Variants in CELA2B observed in about 807,000 individuals in gnomAD.
CELA2B encodes the protein chymotrypsin-like elastase family member 2B.
In CELA2B, 27 loss-of-function variants were observed where a neutral mutation model predicts 36.5. The observed-to-expected ratio is 0.74, with a 90% confidence interval of 0.55 to 1.02. The LOEUF (loss-of-function observed/expected upper bound fraction) is 1.02, where lower values mean the gene tolerates loss of function less well. Among genes scored for constraint, CELA2B ranks in the 50% least tolerant of loss-of-function variants. The pLI, the probability that CELA2B is intolerant of heterozygous loss-of-function variation, is 0.00. For synonymous variants in CELA2B, 143 were observed against 148.5 expected, an observed-to-expected ratio of 0.96 and a Z score of 0.27; for missense variants, 340 against 347.8, an observed-to-expected ratio of 0.98 and a Z score of 0.18.
chr1:15,481,000 C>T, intron 2 of CELA2B, 98 bp from the exon 3 acceptor site: 1 of 1,354,172 alleles, frequency 7.4e-7, no homozygotes, highest in Non-Finnish European at 1.0e-6. Flanking sequence ...GAGTGCCTCA[C>T]TCCCCCTTAC....
In CELA2B at chr1:15,481,136, C is replaced by T; in HGVS notation, c.168C>T (p.His56=). The change falls in exon 3 of 8, where the codon CAC becomes CAT. Residue 56 remains histidine (H), a synonymous_variant. Coordinates refer to ENST00000375910, the MANE Select transcript of CELA2B (RefSeq NM_015849.3). ...LQYSSNGQWY[H]TCGGSLIANS... Reference sequence around the variant, plus strand: ...ACAGCTCCAATGGCCAGTGGTACCACACCTGCGGAGGGTCCCTGATAGCCA... The same window carrying T: ...ACAGCTCCAATGGCCAGTGGTACCATACCTGCGGAGGGTCCCTGATAGCCA... The T allele has an allele frequency of 6.2e-7, 1 of 1,613,460 alleles. No individual in the cohort carries two copies. The highest frequency in any genetic ancestry group is 1.3e-5 in the African/African-American group (1 of 75,026).
At chr1:15,490,900 C>A in intron 7 of CELA2B, 1 of 211,794 alleles carries the variant, frequency 4.7e-6, no homozygotes, top group South Asian at 8.6e-5. Context: ...AGATACTGAT[C>A]AACAGCCTCT....
intron 5 of CELA2B, among the ~76,000 whole-genome samples, chr1:15,485,195 G>A (rs891488383): frequency 5.3e-5 from 8 of 152,008 alleles, no homozygotes; most frequent in African/African-American, 1.4e-4. Flanking sequence ...ATGCCTGGCC[G>A]ACGCTTAACT....
chr1:15,487,483 C>T (rs562271975), intron 7 of CELA2B, 46 bp downstream of exon 7: 19 of 1,606,898 alleles, frequency 1.2e-5, no homozygotes, highest in Admixed American at 1.0e-4. Context: ...GACCTGCTCA[C>T]CTGGCCTCGG....
intron 3 of CELA2B, chr1:15,481,830 T>C (rs1412960267): frequency 1.3e-5 from 6 of 462,426 alleles, no homozygotes; most frequent in Admixed American, 2.4e-5. Flanking sequence ...GGGATACTAA[T>C]AGAGGCCTAC....
intron 7 of CELA2B, among the ~76,000 whole-genome samples, chr1:15,490,256 C>A (rs1488080575): frequency 1.5e-5 from 2 of 136,526 alleles, no homozygotes; most frequent in Admixed American, 7.4e-5. Context: ...ATCTATCTAT[C>A]TATATACACA....
intron 7 of CELA2B, among the ~76,000 whole-genome samples, chr1:15,488,155 G>A (rs923631455): frequency 1.3e-5 from 2 of 152,230 alleles, no homozygotes; most frequent in East Asian, 3.8e-4. Context: ...GGGAGGCCAA[G>A]GAAGGAGGAT....
At position 15,486,023 on chromosome 1, in the gene CELA2B, G is replaced by T; in HGVS notation, c.616G>T (p.Asp206Tyr). The change falls in exon 6 of 8, where the codon GAT becomes TAT. Residue 206 changes from aspartate to tyrosine, a missense_variant. Coordinates refer to ENST00000375910, the MANE Select transcript of CELA2B (RefSeq NM_015849.3). Reference protein sequence around the residue: ...VKTNMICAGGDGVICTCNGDS... With the variant: ...VKTNMICAGGYGVICTCNGDS... The stretch of plus-strand genomic sequence containing the variant: ...GACGAATATGATCTGTGCTGGGGGT[G>T]ATGGCGTGATATGCACCTGCAACGT... 6.2e-7 allele frequency: 1 copy of T among 1,612,656 alleles called. No individual in the cohort carries two copies. The highest frequency in any genetic ancestry group is 8.5e-7 in the Non-Finnish European group (1 of 1,179,126).
Position 15,485,954 on chromosome 1 carries a change from T to C in CELA2B, c.547T>C (p.Tyr183His), listed in dbSNP as rs766052437. The change falls in exon 6 of 8, where the codon TAT becomes CAT. Residue 183 changes from tyrosine to histidine, a missense_variant. Physicochemically the swap from Tyr to His is moderately conservative, Grantham distance 83 (BLOSUM62 2). Transcript: ENST00000375910. ...GCAGGGCCAGTTGCTGGTTGTGGAC[T>C]ATGCCACCTGCTCCAGCTCTGGCTG... is the stretch of plus-strand genomic sequence containing the variant. Reference protein sequence around the residue: ...LKQGQLLVVDYATCSSSGWWG... With the variant: ...LKQGQLLVVDHATCSSSGWWG... 1 of 1,614,094 alleles carries C rather than the reference T, an allele frequency of 6.2e-7. No homozygotes were observed. Among genetic ancestry groups the C allele is most frequent in the African/African-American group, 1.3e-5 (1 of 74,924 alleles).
intron 2 of CELA2B, among the ~76,000 whole-genome samples, chr1:15,477,148 T>C (rs1048552563): frequency 4.6e-5 from 7 of 152,340 alleles, no homozygotes; most frequent in African/African-American, 1.4e-4. Flanking sequence ...CTTTCAAATG[T>C]ACCATTATCC....
intron 7 of CELA2B, 87 bp downstream of exon 7, chr1:15,487,524 C>T: frequency 1.3e-6 from 2 of 1,520,140 alleles, no homozygotes; most frequent in South Asian, 1.2e-5. Flanking sequence ...GACTGAGAAC[C>T]CCCTCCTTCC....
At position 15,477,593 on chromosome 1, in the gene CELA2B, C is replaced by A. The variant is rs1021898366; in HGVS notation, c.129+1048C>A. 1.1e-4 allele frequency among the ~76,000 whole-genome samples: 17 copies of A among 152,266 alleles called. 1 individual carries two copies. The highest frequency in any genetic ancestry group is 4.1e-4 in the African/African-American group (17 of 41,552). Reference sequence around the variant, plus strand: ...TAATATCTCATCTACAAGTCCATTTCTTTAAAGCAGAGCAATAACTTTGAG... The same window carrying A: ...TAATATCTCATCTACAAGTCCATTTATTTAAAGCAGAGCAATAACTTTGAG... On this transcript the variant is annotated intron_variant, in intron 2 of 7. Coordinates refer to ENST00000375910, the MANE Select transcript of CELA2B (RefSeq NM_015849.3).
rs770643635 is a variant in CELA2B, at chr1:15,487,270, T to G, written c.640-15T>G. On this transcript the variant is annotated splice_polypyrimidine_tract_variant and intron_variant, in intron 6 of 7. Coordinates refer to ENST00000375910, the MANE Select transcript of CELA2B (RefSeq NM_015849.3). Reference sequence around the variant, plus strand: ...TCCTCCCACTTCAACTCCCTATAACTCTGGCCTTCCTCAGGGAGACTCCGG... The same window carrying G: ...TCCTCCCACTTCAACTCCCTATAACGCTGGCCTTCCTCAGGGAGACTCCGG... The G allele has an allele frequency of 1.7e-5, 28 of 1,613,206 alleles. No individual in the cohort carries two copies. The South Asian group carries it at 2.5e-4, about 15-fold the overall frequency.
chr1:15,484,193 C>T (rs12732044), intron 5 of CELA2B, among the ~76,000 whole-genome samples: 37,826 of 151,928 alleles, frequency 0.25, 5,092 homozygotes, highest in East Asian at 0.54. Context: ...CCCTCCATGC[C>T]CCATAGCAAA....
At chr1:15,483,756 C>T (rs1414822387) in intron 5 of CELA2B, among the ~76,000 whole-genome samples, 8 of 152,028 alleles carry the variant, frequency 5.3e-5, no homozygotes, top group Non-Finnish European at 1.0e-4. Flanking sequence ...GGTGAAACCC[C>T]GTCTGTACTA....
rs550638066 is a variant in CELA2B at position 15,487,492 on chromosome 1, G to A, written c.792+55G>A. On this transcript the variant is annotated intron_variant, in intron 7 of 7. Transcript: ENST00000375910. The stretch of plus-strand genomic sequence containing the variant: ...GGCACTGACCTGCTCACCTGGCCTC[G>A]GGAGTGCCATGCCCACCTGGCGACT... 1,200 of 1,599,798 alleles carry A rather than the reference G, an allele frequency of 7.5e-4. 3 individuals carry two copies. The highest frequency in any genetic ancestry group is 9.3e-4 in the Non-Finnish European group (1,088 of 1,168,906).
chr1:15,489,559 C>G (rs1708848121), intron 7 of CELA2B, among the ~76,000 whole-genome samples: 1 of 152,116 alleles, frequency 6.6e-6, no homozygotes, highest in African/African-American at 2.4e-5. Flanking sequence ...ACCACTAGAG[C>G]CCTGGGGGTG....
intron 7 of CELA2B, among the ~76,000 whole-genome samples, chr1:15,490,072 C>G (rs1168614742): frequency 6.6e-6 from 1 of 152,122 alleles, no homozygotes; most frequent in Non-Finnish European, 1.5e-5. Flanking sequence ...TGGGGTTTCA[C>G]CATGTTGGCC....
rs200278458 is a variant in CELA2B, at chr1:15,487,386, C to T, written c.741C>T (p.Tyr247=). ...LTSVLGCNYY[Y]KPSIFTRVSN... is the part of the protein sequence containing the mutation. ...CGGTCCTTGGTTGCAACTACTACTA[C>T]AAGCCCTCCATCTTCACGCGGGTCT... The change falls in exon 7 of 8, where the codon TAC becomes TAT. Residue 247 remains tyrosine, a synonymous_variant. Transcript: ENST00000375910. The T allele has an allele frequency of 6.2e-7, 1 of 1,614,258 alleles. No individual in the cohort carries two copies.
Sources: allele counts gnomAD v4.1 joint callset (sites outside exome capture counted in the v4.1 genomes callset), GRCh38; gene constraint gnomAD v4.1.1; transcripts MANE v1.5; gene names NCBI Gene and HGNC (gene_info 2026-07-23, HGNC 2026-07-21).